LRRC7: variants seen among roughly 807,000 people sequenced by gnomAD.
LRRC7 encodes leucine rich repeat containing 7, also known as leucine-rich repeat-containing protein 7.
LRRC7 carries 23 observed loss-of-function variants against 175.7 expected under a neutral mutation model. That is an observed-to-expected ratio of 0.13 (90% CI 0.09 to 0.19). The LOEUF (loss-of-function observed/expected upper bound fraction) is 0.19. Ranked by LOEUF, LRRC7 falls within the 10% of genes least tolerant of loss-of-function variation. The probability of loss-of-function intolerance (pLI) is 1.00; values close to 1 mark genes in which losing one functional copy is unlikely to be tolerated. For missense variants in LRRC7, 1,354 were observed against 1,904.7 expected, an observed-to-expected ratio of 0.71 and a Z score of 5.38; for synonymous variants, 685 against 680.9, an observed-to-expected ratio of 1.01 and a Z score of -0.09.
intron 7 of LRRC7, among the ~76,000 whole-genome samples, chr1:69,858,111 C>T (rs1480439935): frequency 6.6e-6 from 1 of 152,076 alleles, no homozygotes; most frequent in Non-Finnish European, 1.5e-5. Flanking sequence ...AAAATTAATT[C>T]CAGATGGATT....
chr1:70,059,526 C>T (rs550338379), intron 23 of LRRC7, among the ~76,000 whole-genome samples: 2 of 143,406 alleles, frequency 1.4e-5, no homozygotes, highest in African/African-American at 5.3e-5. Flanking sequence ...TGGTCATTTT[C>T]AAGTTCTTAT....
intron 2 of LRRC7, among the ~76,000 whole-genome samples, chr1:69,744,176 A>G (rs1289088394): frequency 6.6e-6 from 1 of 151,844 alleles, no homozygotes; most frequent in Non-Finnish European, 1.5e-5. Flanking sequence ...TTAAGTGACT[A>G]CTATACATTA....
rs6143270 is a variant in LRRC7, at chr1:70,072,578, ACTGCTGCTGCTGCTGCTG to A, written c.4231-3475_4231-3458del. On this transcript the variant is annotated intron_variant, in intron 23 of 26. Transcript: ENST00000651989. The stretch of plus-strand genomic sequence containing the variant: ...GCCTATAGCCCAAGAGAGACAAAAA[ACTGCTGCTGCTGCTGCTG>A]CTGCTGCTGCTGCTGCTGCTGCTAA... Among the ~76,000 whole-genome samples the A allele has an allele frequency of 3.9e-3, 582 of 150,724 alleles. 8 individuals are homozygous for A. Among genetic ancestry groups the A allele is most frequent in the African/African-American group, 0.013 (534 of 41,186 alleles).
intron 17 of LRRC7, among the ~76,000 whole-genome samples, chr1:70,026,454 C>T (rs1364830725): frequency 6.6e-6 from 1 of 152,072 alleles, no homozygotes; most frequent in Non-Finnish European, 1.5e-5. Context: ...CTAATACCAA[C>T]TTAAACAACA....
At chr1:69,902,726 C>T (rs941332956) in intron 7 of LRRC7, among the ~76,000 whole-genome samples, 1 of 152,130 alleles carries the variant, frequency 6.6e-6, no homozygotes, top group African/African-American at 2.4e-5. Flanking sequence ...GAGCAATTAG[C>T]CAAGTGTTAT....
At chr1:69,919,759 CT>C in intron 7 of LRRC7, 1 of 961,696 alleles carries the variant, frequency 1.0e-6, no homozygotes, top group Non-Finnish European at 1.7e-6. Context: ...TTGAAGACCC[CT>C]GGTTTGCGCG....
rs753873917 is a variant in LRRC7 at position 69,718,137 on chromosome 1, AG to A, written c.100+39660del. On this transcript the variant is annotated intron_variant, in intron 2 of 26. Coordinates refer to ENST00000651989, the MANE Select transcript of LRRC7 (RefSeq NM_001370785.2). ...AGAAAGAAAGAAAGAAAAGAAAGAA[AG>A]AGAGAGAAAGAAAGAAAGAAAGAAA... 9.2e-4 allele frequency among the ~76,000 whole-genome samples: 10 copies of A among 10,896 alleles called. No individual in the cohort carries two copies. The African/African-American group carries it at 0.012, about 13-fold the overall frequency. 7.1% of individuals were successfully genotyped at this position (10,896 alleles called of 152,430 possible). A position where few individuals can be genotyped will look rare whatever the true frequency, so the allele number is the denominator to read the frequency against.
In LRRC7 at chr1:70,139,426, G is replaced by C. The variant is rs953703581; in HGVS notation, c.*17539G>C. ...TCCAGTGTACGTAACACTGCACAAA[G>C]AGCATATTTTATTCAGACCATTTGG... On this transcript the variant is annotated 3_prime_UTR_variant, in exon 27 of 27. Transcript: ENST00000651989. 6.6e-6 allele frequency: 1 copy of C among 152,132 alleles called. No homozygotes were observed. Among genetic ancestry groups the C allele is most frequent in the African/African-American group, 2.4e-5 (1 of 41,438 alleles). The allele number at this position is 152,132 out of a possible 1,614,324, so 9.4% of individuals were successfully genotyped here. A position where few individuals can be genotyped will look rare whatever the true frequency, so the allele number is the denominator to read the frequency against.
chr1:69,927,642 T>C lies in LRRC7; in HGVS notation c.648-3865T>C, dbSNP rs550962592. Among the ~76,000 whole-genome samples the C allele has an allele frequency of 7.2e-5, 11 of 152,368 alleles. No individual in the cohort carries two copies. The East Asian group carries it at 1.9e-3, about 27-fold the overall frequency. On this transcript the variant is annotated intron_variant, in intron 7 of 26. Transcript: ENST00000651989. ...GCATTCTTCACGTAGTTCTCGAGCCTTGGCTTTCAGCTCCATCAGCTCCTT... is the reference window on the plus strand; with the variant it reads ...GCATTCTTCACGTAGTTCTCGAGCCCTGGCTTTCAGCTCCATCAGCTCCTT...
At chr1:69,665,204 A>G (rs1028847376) in intron 1 of LRRC7, among the ~76,000 whole-genome samples, 3 of 152,124 alleles carry the variant, frequency 2.0e-5, no homozygotes, top group African/African-American at 7.2e-5. Context: ...TTTGTTTACT[A>G]TAGCTCTGTA....
intron 3 of LRRC7, among the ~76,000 whole-genome samples, chr1:69,774,436 G>A (rs1302842563): frequency 6.6e-6 from 1 of 152,106 alleles, no homozygotes; most frequent in East Asian, 1.9e-4. Context: ...ATATACATAG[G>A]ATGAACAAAT....
intron 4 of LRRC7, 116 bp from the exon 5 acceptor site, chr1:69,825,632 T>C (rs966136630): frequency 6.2e-6 from 3 of 481,050 alleles, no homozygotes; most frequent in African/African-American, 6.0e-5. Flanking sequence ...TTATCCTAAA[T>C]GGTGTTTACA....
intron 4 of LRRC7, among the ~76,000 whole-genome samples, chr1:69,819,577 C>CTCTCTCTCTCTG (rs1553160548): frequency 8.7e-6 from 1 of 114,908 alleles, no homozygotes; most frequent in African/African-American, 3.1e-5. Flanking sequence ...CTCTCTCTCT[C>CTCTCTCTCTCTG]TGTGTGTGTG....
intron 8 of LRRC7, among the ~76,000 whole-genome samples, chr1:69,946,156 T>A (rs1649288059): frequency 6.6e-6 from 1 of 152,168 alleles, no homozygotes; most frequent in African/African-American, 2.4e-5. Flanking sequence ...TTTTCTATAC[T>A]TAATTTGTTA....
At chr1:69,807,878 A>G (rs182841811) in intron 4 of LRRC7, among the ~76,000 whole-genome samples, 5 of 152,174 alleles carry the variant, frequency 3.3e-5, no homozygotes, top group African/African-American at 1.2e-4. Context: ...CCCGGATAAT[A>G]TCCTGAAGCA....
intron 7 of LRRC7, among the ~76,000 whole-genome samples, chr1:69,905,724 G>A (rs1012226770): frequency 2.0e-5 from 3 of 152,184 alleles, no homozygotes; most frequent in Non-Finnish European, 4.4e-5. Context: ...ACATACATGT[G>A]CATGTGTCTT....
intron 4 of LRRC7, among the ~76,000 whole-genome samples, chr1:69,817,377 A>G (rs997902530): frequency 1.3e-5 from 2 of 151,990 alleles, no homozygotes; most frequent in African/African-American, 4.8e-5. Context: ...TCTCAGCACC[A>G]TTTGTTGAAG....
At chr1:69,928,433 G>T (rs372445809) in intron 7 of LRRC7, among the ~76,000 whole-genome samples, 1 of 152,226 alleles carries the variant, frequency 6.6e-6, no homozygotes, top group African/African-American at 2.4e-5. Flanking sequence ...AGGCAGGCAC[G>T]CCTCCTTGAG....
chr1:70,087,624 C>T (rs1229612044), intron 24 of LRRC7, among the ~76,000 whole-genome samples: 1 of 152,050 alleles, frequency 6.6e-6, no homozygotes, highest in Non-Finnish European at 1.5e-5. Context: ...GTATTATAAA[C>T]TGTAAATTCT....
Sources: gnomAD v4.1 joint callset for allele counts (sites outside exome capture counted in the v4.1 genomes callset) on GRCh38, gnomAD v4.1.1 for gene constraint, MANE v1.5 for transcripts, NCBI Gene and HGNC (gene_info 2026-07-23, HGNC 2026-07-21) for gene names.